Variants in CD5 observed in about 807,000 individuals in gnomAD.
CD5 encodes CD5 molecule.
A neutral mutation model predicts 60.3 loss-of-function variants in CD5; 36 were observed. The ratio of observed to expected loss-of-function variants is 0.60; its 90% CI spans 0.46 to 0.79. The LOEUF is 0.79. Ranked by LOEUF, CD5 falls within the 30% of genes least tolerant of loss-of-function variation. The probability of loss-of-function intolerance (pLI) is 0.00; values close to 1 mark genes in which losing one functional copy is unlikely to be tolerated. For missense variants in CD5, 540 were observed against 630.6 expected (o/e 0.86, Z 1.54); for synonymous variants, 230 against 257.6 (o/e 0.89, Z 1.03).
At chr11:61,098,119 G>A (rs537621645), upstream of CD5, among the ~76,000 whole-genome samples, 1 of 152,242 alleles carries the variant, frequency 6.6e-6, no homozygotes, top group Admixed American at 6.5e-5. Flanking sequence ...TTTGATCCTG[G>A]GGCCATGTTT....
At chr11:61,099,898 A>T (rs1860636880), upstream of CD5, among the ~76,000 whole-genome samples, 1 of 151,818 alleles carries the variant, frequency 6.6e-6, no homozygotes, top group Non-Finnish European at 1.5e-5. Context: ...ATCAACATGG[A>T]GATCACACAC....
chr11:61,098,097 G>T (rs952884144), upstream of CD5, among the ~76,000 whole-genome samples: 10 of 152,212 alleles, frequency 6.6e-5, no homozygotes, highest in Admixed American at 1.3e-4. Flanking sequence ...GCCCGTGCAA[G>T]TGTGGCATGA....
rs780078452 is a variant in CD5, at chr11:61,125,032, T to C, written c.1280T>C (p.Met427Thr). The C allele has an allele frequency of 4.3e-6, 7 of 1,613,872 alleles. No homozygotes were observed. Among genetic ancestry groups the C allele is most frequent in the African/African-American group, 1.3e-5 (1 of 74,882 alleles). Reference protein sequence around the residue: ...WIGPTGMNQNMSFHRNHTATV... With the variant: ...WIGPTGMNQNTSFHRNHTATV... ...ACACTGTCTCCTACCATCTGCCCAG[T>C]GTCTTTCCATCGCAACCACACGGCA... is the stretch of plus-strand genomic sequence containing the variant. Residue 427 changes from methionine to threonine, a missense_variant and splice_region_variant, in exon 9 of 11, where the codon ATG becomes ACG. Coordinates refer to ENST00000347785, the MANE Select transcript of CD5 (RefSeq NM_014207.4).
intron 2 of CD5, among the ~76,000 whole-genome samples, chr11:61,117,492 A>C (rs1860982846): frequency 6.6e-6 from 1 of 152,042 alleles, no homozygotes; most frequent in South Asian, 2.1e-4. Flanking sequence ...TACCTCAATA[A>C]AATTTTTTTT....
chr11:61,123,144 A>G, intron 7 of CD5, 112 bp downstream of exon 7: 2 of 1,265,768 alleles, frequency 1.6e-6, no homozygotes, highest in East Asian at 2.6e-5. Flanking sequence ...CACGCAGGAC[A>G]CCTCTGCTTC....
intron 2 of CD5, among the ~76,000 whole-genome samples, chr11:61,117,865 G>C (rs1860987701): frequency 6.6e-6 from 1 of 152,204 alleles, no homozygotes; most frequent in South Asian, 2.1e-4. Context: ...CCTTGAGACA[G>C]AATTTCCAGG....
chr11:61,119,245 C>A lies in CD5; in HGVS notation c.475C>A (p.Leu159Met). 2 of 1,600,068 alleles carry A rather than the reference C, an allele frequency of 1.2e-6. No homozygotes were observed. The highest frequency in any genetic ancestry group is 1.7e-4 in the Middle Eastern group (1 of 5,998). ...TTPEPTAPPR[L>M]QLVAQSGGQH... is the part of the protein sequence containing the mutation. ...CTCTCCTCTCCTAGCTCCTCCCAGG[C>A]TGCAGCTGGTGGCACAGTCTGGCGG... is the stretch of plus-strand genomic sequence containing the variant. Residue 159 changes from leucine (L) to methionine (M), a missense_variant, in exon 5 of 11, where the codon CTG becomes ATG. Physicochemically the swap from Leu to Met is conservative, Grantham distance 15. Coordinates refer to ENST00000347785, the MANE Select transcript of CD5 (RefSeq NM_014207.4).
Position 61,119,506 on chromosome 11 carries a change from T to A in CD5, c.736T>A (p.Ser246Thr), listed in dbSNP as rs1417842474. The change falls in exon 5 of 11, where the codon TCC becomes ACC. Residue 246 changes from serine to threonine, a missense_variant. Ser to Thr is a moderately conservative substitution (Grantham distance 58, BLOSUM62 1). Transcript: ENST00000347785. ...QWKIQNSSCTSLEHCFRKIKP... is the reference protein window; with the variant it reads ...QWKIQNSSCTTLEHCFRKIKP... ...GAAGATCCAGAACTCAAGCTGTACCTCCCTGGAGCATTGCTTCAGGAAAAT... is the reference window on the plus strand; with the variant it reads ...GAAGATCCAGAACTCAAGCTGTACCACCCTGGAGCATTGCTTCAGGAAAAT... The A allele has an allele frequency of 6.2e-7, 1 of 1,614,042 alleles. No individual in the cohort carries two copies.
At chr11:61,121,548 G>A in intron 5 of CD5, 63 bp from the exon 6 acceptor site, 2 of 1,358,548 alleles carry the variant, frequency 1.5e-6, no homozygotes, top group Non-Finnish European at 9.5e-7. Context: ...TGGGGCCCCA[G>A]GAAGCAGCAC....
At chr11:61,104,228 G>A (rs190523887) in intron 1 of CD5, among the ~76,000 whole-genome samples, 3 of 152,276 alleles carry the variant, frequency 2.0e-5, no homozygotes, top group African/African-American at 7.2e-5. Flanking sequence ...GGCCTCCAAA[G>A]GCAGGATTAT....
chr11:61,123,181 C>A, intron 7 of CD5, 149 bp downstream of exon 7: 1 of 913,462 alleles, frequency 1.1e-6, no homozygotes, highest in Non-Finnish European at 1.6e-6. Context: ...CTCTCCTGCC[C>A]ATTAGCCATT....
At chr11:61,122,009 A>T in intron 6 of CD5, 105 bp downstream of exon 6, 1 of 974,396 alleles carries the variant, frequency 1.0e-6, no homozygotes, top group Non-Finnish European at 1.4e-6. Context: ...AGCTAGACAG[A>T]GAGTCCCAGA....
chr11:61,094,483 C>T, the CD5 span, among the ~76,000 whole-genome samples: 11 of 152,250 alleles, frequency 7.2e-5, no homozygotes, highest in Admixed American at 2.0e-4. Flanking sequence ...TGAGTAGAAG[C>T]GTGTCCTGAT....
Position 61,114,952 on chromosome 11 carries a change from G to C in CD5, c.56-104G>C, listed in dbSNP as rs919568700. On this transcript the variant is annotated intron_variant, in intron 1 of 10. Transcript: ENST00000347785. ...CCCTAAAACCCATGATAGTGGATAG[G>C]GGGAGGCAGAAAGGGCCATTGCTCG... 9.6e-6 allele frequency: 10 copies of C among 1,046,370 alleles called. No individual in the cohort carries two copies. The African/African-American group carries it at 1.3e-4, about 13-fold the overall frequency. The allele number at this position is 1,046,370 out of a possible 1,614,324, so 64.8% of individuals were successfully genotyped here. A position where few individuals can be genotyped will look rare whatever the true frequency, so the allele number is the denominator to read the frequency against.
In CD5 at chr11:61,125,145, T is replaced by C. The variant is rs368583552; in HGVS notation, c.1393T>C (p.Tyr465His). 46 of 1,613,862 alleles carry C rather than the reference T, an allele frequency of 2.9e-5. No homozygotes were observed. The highest frequency in any genetic ancestry group is 3.6e-5 in the Non-Finnish European group (43 of 1,179,934). The change falls in exon 9 of 11, where the codon TAT (tyrosine) becomes CAT (histidine). Residue 465 changes from tyrosine (Y) to histidine (H), a missense_variant. Physicochemically the swap from Tyr to His is moderately conservative, Grantham distance 83 (BLOSUM62 2). Coordinates refer to ENST00000347785, the MANE Select transcript of CD5 (RefSeq NM_014207.4). ...TCCCAGGAACTCCCACCTGTCAGCT[T>C]ATCCAGGTAAGCACCAGCGGGTGCT... ...QPPRNSHLSAYPALEGALHRS... is the reference protein window; with the variant it reads ...QPPRNSHLSAHPALEGALHRS...
At chr11:61,109,028 A>C (rs1405732744) in intron 1 of CD5, among the ~76,000 whole-genome samples, 4 of 152,164 alleles carry the variant, frequency 2.6e-5, no homozygotes, top group Non-Finnish European at 5.9e-5. Flanking sequence ...CCTAGGAGTG[A>C]GCCAGAGGCA....
upstream of CD5, among the ~76,000 whole-genome samples, chr11:61,099,089 C>T (rs1005274978): frequency 1.3e-5 from 2 of 152,200 alleles, no homozygotes; most frequent in African/African-American, 4.8e-5. Context: ...TCCCCTGCCC[C>T]GGGCTTCCCA....
At chr11:61,111,162 G>C (rs1396585586) in intron 1 of CD5, among the ~76,000 whole-genome samples, 1 of 152,194 alleles carries the variant, frequency 6.6e-6, no homozygotes, top group Non-Finnish European at 1.5e-5. Flanking sequence ...CCCAGTCCCT[G>C]TCCCCAGGCC....
In CD5 at chr11:61,102,625, C is replaced by T. The variant is rs1470694527; in HGVS notation, c.55+10C>T. On this transcript the variant is annotated intron_variant, in intron 1 of 10. Transcript: ENST00000347785. ...CTGCTGGGGATGCTGGGTGAGTACC[C>T]CTCCCAGGTGTCCTGCGAACACCCG... 1 of 1,582,198 alleles carries T rather than the reference C, an allele frequency of 6.3e-7. No individual in the cohort carries two copies. Among genetic ancestry groups the T allele is most frequent in the Non-Finnish European group, 8.6e-7 (1 of 1,163,162 alleles).
Sources: gnomAD v4.1 joint callset for allele counts (sites outside exome capture counted in the v4.1 genomes callset) on GRCh38, gnomAD v4.1.1 for gene constraint, MANE v1.5 for transcripts, NCBI Gene and HGNC (gene_info 2026-07-23, HGNC 2026-07-21) for gene names.